Variants in B3GNT5 observed in about 807,000 individuals in gnomAD.
B3GNT5 encodes the protein lactosylceramide 1,3-N-acetyl-beta-D-glucosaminyltransferase.
Under a neutral mutation model 25.9 loss-of-function variants are expected in B3GNT5, and 11 were observed. That is an observed-to-expected ratio of 0.42 (90% CI 0.27 to 0.70). The LOEUF (loss-of-function observed/expected upper bound fraction) is 0.70. Ranked by LOEUF, B3GNT5 falls within the 30% of genes least tolerant of loss-of-function variation. The pLI is 0.23. For missense variants in B3GNT5, 385 were observed against 458.4 expected (o/e 0.84, Z 1.46); for synonymous variants, 166 against 158.6 (o/e 1.05, Z -0.35).
At chr3:183,256,118 T>C (rs564349587) in intron 1 of B3GNT5, among the ~76,000 whole-genome samples, 1 of 152,352 alleles carries the variant, frequency 6.6e-6, no homozygotes, top group Non-Finnish European at 1.5e-5. Flanking sequence ...AGTAAATAGA[T>C]CTCAGCTTTG....
chr3:183,266,215 G>A lies in B3GNT5; in HGVS notation c.-301-3283G>A, dbSNP rs1421482766. On this transcript the variant is annotated intron_variant, in intron 1 of 1. Transcript: ENST00000326505. ...TGGGTGTGGGAGCAGTTGGACTTGT[G>A]GGCACAAAGTCTAGCAAGAAGCTCA... 2.0e-5 allele frequency: 3 copies of A among 152,216 alleles called. No individual in the cohort carries two copies. In the East Asian group the frequency reaches 5.8e-4, roughly 29 times the overall value. The allele number at this position is 152,216 out of a possible 1,614,324, so 9.4% of individuals were successfully genotyped here.
intron 1 of B3GNT5, among the ~76,000 whole-genome samples, chr3:183,264,058 G>T (rs1055750995): frequency 3.3e-5 from 5 of 151,894 alleles, no homozygotes; most frequent in African/African-American, 1.2e-4. Context: ...AATCCCTCTT[G>T]CTCAAACTTA....
chr3:183,255,167 G>A (rs1406500409), intron 1 of B3GNT5, among the ~76,000 whole-genome samples: 1 of 152,156 alleles, frequency 6.6e-6, no homozygotes, highest in East Asian at 1.9e-4. Context: ...TCCCTGTGGG[G>A]GATGGGAGAG....
chr3:183,269,839 A>C lies in B3GNT5; in HGVS notation c.41A>C (p.Gln14Pro). The C allele has an allele frequency of 6.2e-7, 1 of 1,612,550 alleles. No homozygotes were observed. The highest frequency in any genetic ancestry group is 1.7e-4 in the Middle Eastern group (1 of 6,044). ...AGTGGCAGAAGAGTCAAAAAATGGCAGTTAATTATTCAGTTATTTGCTACT... is the reference window on the plus strand; with the variant it reads ...AGTGGCAGAAGAGTCAAAAAATGGCCGTTAATTATTCAGTTATTTGCTACT... ...LVSGRRVKKW[Q>P]LIIQLFATCF... Residue 14 changes from glutamine to proline, a missense_variant, in exon 2 of 2, where the codon CAG becomes CCG. By Grantham distance (76) the Gln-to-Pro change is moderately conservative (BLOSUM62 -1). Coordinates refer to ENST00000326505, the MANE Select transcript of B3GNT5 (RefSeq NM_032047.5).
rs929271996 is a variant in B3GNT5 at position 183,262,366 on chromosome 3, G to C, written c.-301-7132G>C. Reference sequence around the variant, plus strand: ...AGCAGGACAGGGATTAGGGGAGTCAGGTGAGGCAGGGCTGTATAAGTGCAG... The same window carrying C: ...AGCAGGACAGGGATTAGGGGAGTCACGTGAGGCAGGGCTGTATAAGTGCAG... On this transcript the variant is annotated intron_variant, in intron 1 of 1. Transcript: ENST00000326505. Among the ~76,000 whole-genome samples the C allele has an allele frequency of 2.6e-5, 4 of 152,278 alleles. No individual in the cohort carries two copies. In the South Asian group the frequency reaches 8.3e-4, roughly 32 times the overall value.
intron 1 of B3GNT5, chr3:183,253,770 A>C (rs569700275): frequency 2.0e-4 from 30 of 152,500 alleles, no homozygotes; most frequent in African/African-American, 7.0e-4. Flanking sequence ...CGAGGCCAGC[A>C]CAGTCCGCCT....
chr3:183,271,097 A>G lies in B3GNT5; in HGVS notation c.*162A>G. ...TCTTTGATTCTAGAAGCTGTTTAAT[A>G]TCACTTATCTACTTCATTGCCTAAG... is the stretch of plus-strand genomic sequence containing the variant. On this transcript the variant is annotated 3_prime_UTR_variant, in exon 2 of 2. Transcript: ENST00000326505. The G allele has an allele frequency of 1.7e-6, 1 of 603,676 alleles. No individual in the cohort carries two copies. The highest frequency in any genetic ancestry group is 2.8e-6 in the Non-Finnish European group (1 of 362,650). 37.4% of individuals were successfully genotyped at this position (603,676 alleles called of 1,614,324 possible).
intron 1 of B3GNT5, among the ~76,000 whole-genome samples, chr3:183,262,344 A>AG (rs1337278051): frequency 1.3e-5 from 2 of 152,110 alleles, no homozygotes; most frequent in African/African-American, 4.8e-5. Context: ...CCCAGTCAGC[A>AG]GGACAGGGAT....
Position 183,272,361 on chromosome 3 carries a change from G to A in B3GNT5, c.*1426G>A. On this transcript the variant is annotated 3_prime_UTR_variant, in exon 2 of 2. Transcript: ENST00000326505. ...TGACTGAACTCACTCTAAGGCCTTT[G>A]ACTGCAGAGGCACCTGTTAGGGAAA... The A allele has an allele frequency of 2.0e-6, 2 of 1,000,226 alleles. No individual in the cohort carries two copies. The highest frequency in any genetic ancestry group is 2.4e-6 in the Non-Finnish European group (2 of 829,998). 62.0% of individuals were successfully genotyped at this position (1,000,226 alleles called of 1,614,324 possible). A position where few individuals can be genotyped will look rare whatever the true frequency, so the allele number is the denominator to read the frequency against.
Position 183,273,022 on chromosome 3 carries a change from A to G in B3GNT5, c.*2087A>G. 1 of 1,487,480 alleles carries G rather than the reference A, an allele frequency of 6.7e-7. No individual in the cohort carries two copies. The highest frequency in any genetic ancestry group is 1.4e-5 in the South Asian group (1 of 72,746). 92.1% of individuals were successfully genotyped at this position (1,487,480 alleles called of 1,614,324 possible). A position where few individuals can be genotyped will look rare whatever the true frequency, so the allele number is the denominator to read the frequency against. On this transcript the variant is annotated 3_prime_UTR_variant, in exon 2 of 2. Transcript: ENST00000326505. ...TTTTTTCTAAGAAGGAAGTTGCTAG[A>G]TGATTCCTTCATCACACTTACTTAA...
chr3:183,255,703 A>C (rs190173586), intron 1 of B3GNT5, among the ~76,000 whole-genome samples: 1 of 152,328 alleles, frequency 6.6e-6, no homozygotes, highest in Non-Finnish European at 1.5e-5. Flanking sequence ...AAGAGTTTTC[A>C]AAATAAAGTG....
rs1334927003 is a variant in B3GNT5, at chr3:183,270,505, A to G, written c.707A>G (p.Lys236Arg). ...GAPPIRDKSS[K>R]YYVSYEMYQW... Reference sequence around the variant, plus strand: ...CCTCCCATTAGAGATAAAAGCAGCAAATACTACGTGTCCTATGAAATGTAC... The same window carrying G: ...CCTCCCATTAGAGATAAAAGCAGCAGATACTACGTGTCCTATGAAATGTAC... Residue 236 changes from lysine (K) to arginine (R), a missense_variant, in exon 2 of 2, where the codon AAA (lysine) becomes AGA (arginine). Transcript: ENST00000326505. The surrounding 1 kb of genome is among the most constrained non-coding windows in gnomAD (Gnocchi z 4.5). 2 of 1,614,092 alleles carry G rather than the reference A, an allele frequency of 1.2e-6. No individual in the cohort carries two copies. The highest frequency in any genetic ancestry group is 2.7e-5 in the African/African-American group (2 of 74,928).
At position 183,270,755 on chromosome 3, in the gene B3GNT5, G is replaced by T. The variant is rs1403838897; in HGVS notation, c.957G>T (p.Met319Ile). The change falls in exon 2 of 2, where the codon ATG becomes ATT. Residue 319 changes from methionine to isoleucine, a missense_variant. Coordinates refer to ENST00000326505, the MANE Select transcript of B3GNT5 (RefSeq NM_032047.5). The surrounding 1 kb of genome is among the most constrained non-coding windows in gnomAD (Gnocchi z 4.5). Reference sequence around the variant, plus strand: ...ATCATCCCTGCATCTATGAAAAAATGATGACATCTCATGGACACTTAGAAG... The same window carrying T: ...ATCATCCCTGCATCTATGAAAAAATTATGACATCTCATGGACACTTAGAAG... ...TPYHPCIYEK[M>I]MTSHGHLEDL... The T allele has an allele frequency of 6.2e-7, 1 of 1,613,704 alleles. No individual in the cohort carries two copies.
chr3:183,266,771 C>G (rs1560384512), intron 1 of B3GNT5, among the ~76,000 whole-genome samples: 1 of 151,754 alleles, frequency 6.6e-6, no homozygotes, highest in Non-Finnish European at 1.5e-5. Flanking sequence ...TGATCTGTTC[C>G]TTAGAGCAGT....
chr3:183,258,002 C>G (rs987222397), intron 1 of B3GNT5, among the ~76,000 whole-genome samples: 2 of 112,902 alleles, frequency 1.8e-5, no homozygotes, highest in African/African-American at 7.0e-5. Context: ...GAGTCTCGCT[C>G]TGTTGCCCAG....
Position 183,272,963 on chromosome 3 carries a change from G to A in B3GNT5, c.*2028G>A. ...TTTTGCTTAGAATAGAATGGAACAAGTTTAAATTTCAAGGAAATATGAAGG... is the reference window on the plus strand; with the variant it reads ...TTTTGCTTAGAATAGAATGGAACAAATTTAAATTTCAAGGAAATATGAAGG... On this transcript the variant is annotated 3_prime_UTR_variant, in exon 2 of 2. Coordinates refer to ENST00000326505, the MANE Select transcript of B3GNT5 (RefSeq NM_032047.5). 2 of 1,449,804 alleles carry A rather than the reference G, an allele frequency of 1.4e-6. No homozygotes were observed. Among genetic ancestry groups the A allele is most frequent in the Admixed American group, 6.4e-5 (2 of 31,158 alleles). 89.8% of individuals were successfully genotyped at this position (1,449,804 alleles called of 1,614,324 possible).
At position 183,272,414 on chromosome 3, in the gene B3GNT5, G is replaced by A. The variant is rs1726855456; in HGVS notation, c.*1479G>A. On this transcript the variant is annotated 3_prime_UTR_variant, in exon 2 of 2. Coordinates refer to ENST00000326505, the MANE Select transcript of B3GNT5 (RefSeq NM_032047.5). Reference sequence around the variant, plus strand: ...CAGATGTCTCATATAATAAGGTGATGTCGGAAACACGCAAAACAAAACGAA... The same window carrying A: ...CAGATGTCTCATATAATAAGGTGATATCGGAAACACGCAAAACAAAACGAA... The A allele has an allele frequency of 2.0e-6, 2 of 1,000,118 alleles. No homozygotes were observed. Among genetic ancestry groups the A allele is most frequent in the African/African-American group, 3.5e-5 (2 of 57,256 alleles). The allele number at this position is 1,000,118 out of a possible 1,614,324, so 62.0% of individuals were successfully genotyped here. A position where few individuals can be genotyped will look rare whatever the true frequency, so the allele number is the denominator to read the frequency against.
At chr3:183,255,948 T>C (rs1725009019) in intron 1 of B3GNT5, among the ~76,000 whole-genome samples, 1 of 152,164 alleles carries the variant, frequency 6.6e-6, no homozygotes, top group African/African-American at 2.4e-5. Flanking sequence ...GACTTTCACA[T>C]TGTAAAGGGT....
intron 1 of B3GNT5, among the ~76,000 whole-genome samples, chr3:183,269,229 G>GTTTT (rs1305607255): frequency 1.3e-5 from 1 of 77,022 alleles, no homozygotes; most frequent in African/African-American, 1.1e-4. Context: ...CGTTTGGGAA[G>GTTTT]CTTTTTTTTT....
Sources: allele counts gnomAD v4.1 joint callset (sites outside exome capture counted in the v4.1 genomes callset), GRCh38; gene constraint gnomAD v4.1.1; non-coding constraint Gnocchi (gnomAD v3.1); transcripts MANE v1.5; gene names NCBI Gene and HGNC (gene_info 2026-07-23, HGNC 2026-07-21).